Variants in PARD3 observed in about 807,000 individuals in gnomAD.
PARD3 encodes par-3 family cell polarity regulator.
PARD3 carries 75 observed loss-of-function variants against 155.4 expected under a neutral mutation model. That is an observed-to-expected ratio of 0.48 (90% confidence interval 0.40 to 0.58). PARD3 has a LOEUF of 0.58. PARD3 is among the 20% of genes least tolerant of loss of function. The pLI, the probability that PARD3 is intolerant of heterozygous loss-of-function variation, is 0.00. For synonymous variants in PARD3, 576 were observed against 610.5 expected (o/e 0.94, Z 0.83); for missense variants, 1,642 against 1,721.7 (o/e 0.95, Z 0.82).
At chr10:34,146,599 A>G (rs1344306075) in intron 22 of PARD3, among the ~76,000 whole-genome samples, 2 of 152,232 alleles carry the variant, frequency 1.3e-5, no homozygotes, top group Non-Finnish European at 2.9e-5. Flanking sequence ...TGAAAATCAC[A>G]GTTTGGCTTT....
intron 22 of PARD3, among the ~76,000 whole-genome samples, chr10:34,199,024 T>C (rs533531374): frequency 6.6e-6 from 1 of 152,200 alleles, no homozygotes; most frequent in Non-Finnish European, 1.5e-5. Flanking sequence ...CATGCAACCA[T>C]GGGCAGAACC....
intron 2 of PARD3, among the ~76,000 whole-genome samples, chr10:34,610,087 A>C (rs2090768719): frequency 6.6e-6 from 1 of 152,186 alleles, no homozygotes; most frequent in Admixed American, 6.5e-5. Flanking sequence ...TTCATGATAG[A>C]TTCATCCACA....
At position 34,234,741 on chromosome 10, in the gene PARD3, C is replaced by G. The variant is rs530665698; in HGVS notation, c.3419+34916G>C. ...AAAGGCAAGGACTTTATTGAACTCA[C>G]CACTATGTACCCAGCACAGTGACCT... On this transcript the variant is annotated intron_variant, in intron 22 of 24. Transcript: ENST00000374788. Among the ~76,000 whole-genome samples, 455 of 152,260 alleles carry G rather than the reference C, an allele frequency of 3.0e-3. 2 individuals are homozygous for G. The highest frequency in any genetic ancestry group is 0.01 in the African/African-American group (420 of 41,536).
chr10:34,569,795 A>C (rs1033543535), intron 2 of PARD3, among the ~76,000 whole-genome samples: 2 of 152,036 alleles, frequency 1.3e-5, no homozygotes, highest in Non-Finnish European at 2.9e-5. Flanking sequence ...TTTTGAAAAA[A>C]TCTAACCTCA....
intron 2 of PARD3, among the ~76,000 whole-genome samples, chr10:34,639,220 A>G (rs149087258): frequency 0.016 from 2,445 of 152,170 alleles, 64 homozygotes; most frequent in African/African-American, 0.056. Flanking sequence ...ACATGGTGAA[A>G]CCCCATCTCT....
intron 2 of PARD3, among the ~76,000 whole-genome samples, chr10:34,663,539 T>C (rs1267276928): frequency 2.0e-5 from 3 of 152,222 alleles, no homozygotes; most frequent in African/African-American, 4.8e-5. Flanking sequence ...TACCGAAATA[T>C]TTCTTATGCC....
intron 2 of PARD3, among the ~76,000 whole-genome samples, chr10:34,639,541 C>T (rs2132919967): frequency 6.6e-6 from 1 of 152,212 alleles, no homozygotes; most frequent in Non-Finnish European, 1.5e-5. Flanking sequence ...GGTCTTGAGG[C>T]TCACATCTTA....
chr10:34,772,638 A>G (rs1839028999), intron 1 of PARD3, among the ~76,000 whole-genome samples: 2 of 151,844 alleles, frequency 1.3e-5, no homozygotes, highest in African/African-American at 4.8e-5. Context: ...CTAAAAATAC[A>G]AAAAAATTAG....
chr10:34,333,078 T>C (rs1460559218), intron 18 of PARD3, among the ~76,000 whole-genome samples: 1 of 152,156 alleles, frequency 6.6e-6, no homozygotes, highest in Non-Finnish European at 1.5e-5. Context: ...CAGCTATATT[T>C]GGCTTCCATA....
chr10:34,226,602 G>T (rs1305857225), intron 22 of PARD3, among the ~76,000 whole-genome samples: 6 of 152,166 alleles, frequency 3.9e-5, no homozygotes, highest in Non-Finnish European at 7.3e-5. Context: ...GACTATATTA[G>T]AACTCTCAAA....
chr10:34,703,711 G>C (rs572891264), intron 1 of PARD3, among the ~76,000 whole-genome samples: 28 of 152,240 alleles, frequency 1.8e-4, no homozygotes, highest in Admixed American at 1.6e-3. Flanking sequence ...AAGAAAAACA[G>C]AAGATTGGTG....
Position 34,518,025 on chromosome 10 carries a change from T to C in PARD3, c.223-866A>G, listed in dbSNP as rs532104322. ...TCCCAAGTAGCGGGGATTACAGGCG[T>C]ATGCCACCACACCCAGATAATTTTT... On this transcript the variant is annotated intron_variant, in intron 2 of 24. Transcript: ENST00000374788. Among the ~76,000 whole-genome samples the C allele has an allele frequency of 6.6e-5, 10 of 152,260 alleles. No individual in the cohort carries two copies. In the East Asian group the frequency reaches 1.9e-3, roughly 29 times the overall value.
intron 20 of PARD3, among the ~76,000 whole-genome samples, chr10:34,310,039 G>A (rs902490351): frequency 3.9e-5 from 6 of 151,940 alleles, no homozygotes; most frequent in Admixed American, 6.6e-5. Flanking sequence ...ACCATTCAAC[G>A]CTCAATTAGG....
chr10:34,524,360 A>C (rs2082340754), intron 2 of PARD3, among the ~76,000 whole-genome samples: 1 of 152,188 alleles, frequency 6.6e-6, no homozygotes, highest in South Asian at 2.1e-4. Flanking sequence ...CCTAATAGAG[A>C]TATTCCACTG....
At chr10:34,742,527 C>G (rs2095037709) in intron 1 of PARD3, among the ~76,000 whole-genome samples, 1 of 152,140 alleles carries the variant, frequency 6.6e-6, no homozygotes, top group Non-Finnish European at 1.5e-5. Context: ...TTTTCAGTTT[C>G]CGTGTTCATT....
intron 2 of PARD3, among the ~76,000 whole-genome samples, chr10:34,621,939 A>T (rs1415259100): frequency 2.0e-5 from 3 of 152,240 alleles, no homozygotes; most frequent in African/African-American, 7.2e-5. Flanking sequence ...ATGTAAGTTG[A>T]AGAAAAAGAG....
chr10:34,126,577 C>T (rs933575490), intron 23 of PARD3, among the ~76,000 whole-genome samples: 5 of 152,120 alleles, frequency 3.3e-5, no homozygotes, highest in Admixed American at 1.3e-4. Flanking sequence ...CTTCCAAATA[C>T]AGTGACCCTT....
chr10:34,174,127 A>G (rs1417031055), intron 22 of PARD3, among the ~76,000 whole-genome samples: 4 of 152,198 alleles, frequency 2.6e-5, no homozygotes, highest in Non-Finnish European at 5.9e-5. Context: ...ACGATGCTTC[A>G]TTAGGAAAAT....
At chr10:34,729,762 G>A (rs1263143768) in intron 1 of PARD3, among the ~76,000 whole-genome samples, 4 of 152,168 alleles carry the variant, frequency 2.6e-5, no homozygotes, top group East Asian at 1.9e-4. Flanking sequence ...ATTATGCAGC[G>A]AGCAGTCTCC....
Sources: gnomAD v4.1 joint callset for allele counts (sites outside exome capture counted in the v4.1 genomes callset) on GRCh38, gnomAD v4.1.1 for gene constraint, MANE v1.5 for transcripts, NCBI Gene and HGNC (gene_info 2026-07-23, HGNC 2026-07-21) for gene names.